The following PRM3 variants were observed in gnomAD, a reference collection of about 807,000 sequenced individuals.
PRM3 encodes protamine-3.
For synonymous variants in PRM3, 72 were observed against 58.2 expected (o/e 1.24, Z -1.08); for missense variants, 160 against 133.1 (o/e 1.20, Z -0.99).
At position 11,273,524 on chromosome 16, in the gene PRM3, A is replaced by C. The variant is rs1308841766; in HGVS notation, c.72T>G (p.His24Gln). The C allele has an allele frequency of 4.3e-6, 7 of 1,609,760 alleles. No homozygotes were observed. The East Asian group carries it at 1.6e-4, about 36-fold the overall frequency. Residue 24 changes from histidine to glutamine, a missense_variant, in exon 1 of 1, where the codon CAT becomes CAG. Transcript: ENST00000327157. ...TCATGGAGGATTCGTGGCCCCGGCCATGGCCCGTGCTGTGGCCTGGGCTGT... is the reference window on the plus strand; with the variant it reads ...TCATGGAGGATTCGTGGCCCCGGCCCTGGCCCGTGCTGTGGCCTGGGCTGT... ...PGHSPGHSTG[H>Q]GRGHESSMKK...
In PRM3 at chr16:11,273,620, G is replaced by A. The variant is rs2301127; in HGVS notation, c.-25C>T. The A allele has an allele frequency of 0.54, 843,534 of 1,562,044 alleles. 233,328 individuals are homozygous for A. Among genetic ancestry groups the A allele is most frequent in the East Asian group, 0.85 (37,530 of 44,086 alleles). ...TGGTCTACGTTGCCTGTCTCTCTGG[G>A]CAAGGAGGTGAGGCGGTGGGTGAAG... On this transcript the variant is annotated 5_prime_UTR_variant, in exon 1 of 1. Transcript: ENST00000327157.
Position 11,273,589 on chromosome 16 carries a change from A to G in PRM3, c.7T>C (p.Ser3Pro), listed in dbSNP as rs200849593. The change falls in exon 1 of 1, where the codon TCC becomes CCC. Residue 3 changes from serine (S) to proline (P), a missense_variant. Ser to Pro is a moderately conservative substitution (Grantham distance 74, BLOSUM62 -1). Transcript: ENST00000327157. ...CCTGTGTTGAGCTTGGCACAGCGGG[A>G]ACCCATGGTCTACGTTGCCTGTCTC... MG[S>P]RCAKLNTGQS... The G allele has an allele frequency of 6.2e-3, 9,843 of 1,591,308 alleles. 37 individuals carry two copies. The highest frequency in any genetic ancestry group is 8.0e-3 in the Non-Finnish European group (9,345 of 1,166,270).
rs748507374 is a variant in PRM3 at position 11,273,384 on chromosome 16, T to C, written c.212A>G (p.Gln71Arg). The C allele has an allele frequency of 1.4e-4, 212 of 1,546,194 alleles. 2 individuals carry two copies. Among genetic ancestry groups the C allele is most frequent in the South Asian group, 4.6e-4 (39 of 84,078 alleles). The change falls in exon 1 of 1, where the codon CAG (glutamine) becomes CGG (arginine). Residue 71 changes from glutamine (Q) to arginine (R), a missense_variant. By Grantham distance (43) the Gln-to-Arg change is conservative. Transcript: ENST00000327157. Reference protein sequence around the residue: ...EEEEKEELPVQGKLLLLEPER... With the variant: ...EEEEKEELPVRGKLLLLEPER... ...AGGCTCCAGCAGCAGCAGCTTGCCC[T>C]GCACCGGCAGCTCTTCTTTCTCCTC...
Position 11,273,200 on chromosome 16 carries a change from T to A in PRM3, c.*84A>T, listed in dbSNP as rs2069802708. 4 of 1,448,244 alleles carry A rather than the reference T, an allele frequency of 2.8e-6. No individual in the cohort carries two copies. The highest frequency in any genetic ancestry group is 3.6e-6 in the Non-Finnish European group (4 of 1,104,314). The allele number at this position is 1,448,244 out of a possible 1,614,324, so 89.7% of individuals were successfully genotyped here. A position where few individuals can be genotyped will look rare whatever the true frequency, so the allele number is the denominator to read the frequency against. Reference sequence around the variant, plus strand: ...GAGGGGAACCAGAGACAGGGAGGATTCCTCAGAGACTTTTTATTGACTCTT... The same window carrying A: ...GAGGGGAACCAGAGACAGGGAGGATACCTCAGAGACTTTTTATTGACTCTT... On this transcript the variant is annotated 3_prime_UTR_variant, in exon 1 of 1. Transcript: ENST00000327157.
chr16:11,273,342 CCCT>C lies in PRM3; in HGVS notation c.251_253del (p.Glu84del). 4 of 1,544,668 alleles carry C rather than the reference CCCT, an allele frequency of 2.6e-6. No homozygotes were observed. Among genetic ancestry groups the C allele is most frequent in the Non-Finnish European group, 2.6e-6 (3 of 1,146,908 alleles). ...CTGGGCCTCGGCGTTGTCCTTGTGGCCCTCCTCCTGCCGCTCAGGCTCCAGCAG... is the reference window on the plus strand; with the variant it reads ...CTGGGCCTCGGCGTTGTCCTTGTGGCCCTCCTGCCGCTCAGGCTCCAGCAG... On this transcript the variant is annotated inframe_deletion, in exon 1 of 1. Transcript: ENST00000327157.
In PRM3 at chr16:11,273,411, TC is replaced by T; in HGVS notation, c.184del (p.Glu62ArgfsTer66). On this transcript the variant is annotated frameshift_variant, in exon 1 of 1. Transcript: ENST00000327157. LOFTEE classifies it low-confidence loss of function (END_TRUNC). The part of the protein sequence containing the change: ...EEEEEEEEGE[E>X]EEKEELPVQG... ...CACCGGCAGCTCTTCTTTCTCCTCC[TC>T]TTCCCCCTCCTCCTCCTCTTCCTCC... The T allele has an allele frequency of 1.3e-6, 2 of 1,550,094 alleles. No homozygotes were observed. Among genetic ancestry groups the T allele is most frequent in the Non-Finnish European group, 1.7e-6 (2 of 1,147,914 alleles).
rs551217885 is a variant in PRM3, at chr16:11,273,325, C to T, written c.271G>A (p.Glu91Lys). The change falls in exon 1 of 1, where the codon GAG (glutamate) becomes AAG (lysine). Residue 91 changes from glutamate to lysine, a missense_variant. By Grantham distance (56) the Glu-to-Lys change is moderately conservative. Coordinates refer to ENST00000327157, the MANE Select transcript of PRM3 (RefSeq NM_021247.3). ...RQEEGHKDNA[E>K]AQQSPEPKRT... is the part of the protein sequence containing the mutation. Reference sequence around the variant, plus strand: ...TTGGGCTCGGGGCTCTGCTGGGCCTCGGCGTTGTCCTTGTGGCCCTCCTCC... The same window carrying T: ...TTGGGCTCGGGGCTCTGCTGGGCCTTGGCGTTGTCCTTGTGGCCCTCCTCC... 6 of 1,545,094 alleles carry T rather than the reference C, an allele frequency of 3.9e-6. No individual in the cohort carries two copies. The highest frequency in any genetic ancestry group is 4.9e-5 in the East Asian group (2 of 40,916).
Position 11,273,511 on chromosome 16 carries a change from C to T in PRM3, c.85G>A (p.Glu29Lys), listed in dbSNP as rs777840764. ...GCCATGAGCTTTTTCATGGAGGATT[C>T]GTGGCCCCGGCCATGGCCCGTGCTG... is the stretch of plus-strand genomic sequence containing the variant. The part of the protein sequence containing the change: ...GHSTGHGRGH[E>K]SSMKKLMACV... The change falls in exon 1 of 1, where the codon GAA (glutamate) becomes AAA (lysine). Residue 29 changes from glutamate (E) to lysine (K), a missense_variant. Physicochemically the swap from Glu to Lys is moderately conservative, Grantham distance 56. Transcript: ENST00000327157. 20 of 1,610,152 alleles carry T rather than the reference C, an allele frequency of 1.2e-5. No individual in the cohort carries two copies. The highest frequency in any genetic ancestry group is 1.6e-4 in the Middle Eastern group (1 of 6,078).
rs753941086 is a variant in PRM3, at chr16:11,273,608, C to G, written c.-13G>C. 6.3e-7 allele frequency: 1 copy of G among 1,576,232 alleles called. No homozygotes were observed. Among genetic ancestry groups the G allele is most frequent in the South Asian group, 1.1e-5 (1 of 88,276 alleles). On this transcript the variant is annotated 5_prime_UTR_variant, in exon 1 of 1. Coordinates refer to ENST00000327157, the MANE Select transcript of PRM3 (RefSeq NM_021247.3). Reference sequence around the variant, plus strand: ...AGCGGGAACCCATGGTCTACGTTGCCTGTCTCTCTGGGCAAGGAGGTGAGG... The same window carrying G: ...AGCGGGAACCCATGGTCTACGTTGCGTGTCTCTCTGGGCAAGGAGGTGAGG...
At position 11,273,422 on chromosome 16, in the gene PRM3, C is replaced by CTCCTCCTCT. The variant is rs751209816; in HGVS notation, c.165_173dup (p.Glu57_Glu59dup). On this transcript the variant is annotated inframe_insertion, in exon 1 of 1. Transcript: ENST00000327157. ...CTTCTTTCTCCTCCTCTTCCCCCTC[C>CTCCTCCTCT]TCCTCCTCTTCCTCCTCTTCCTCGC... 1.9e-5 allele frequency: 30 copies of CTCCTCCTCT among 1,552,776 alleles called. No homozygotes were observed. Among genetic ancestry groups the CTCCTCCTCT allele is most frequent in the Middle Eastern group, 3.3e-4 (2 of 6,022 alleles).
Position 11,273,244 on chromosome 16 carries a change from G to A in PRM3, c.*40C>T. 6.7e-7 allele frequency: 1 copy of A among 1,497,110 alleles called. No individual in the cohort carries two copies. Among genetic ancestry groups the A allele is most frequent in the East Asian group, 2.5e-5 (1 of 40,398 alleles). The allele number at this position is 1,497,110 out of a possible 1,614,324, so 92.7% of individuals were successfully genotyped here. ...GACTCTTCTCTGAACACTGTCGCCG[G>A]AGCAGCAGTGGGCGTCCCTTCCTGG... is the stretch of plus-strand genomic sequence containing the variant. On this transcript the variant is annotated 3_prime_UTR_variant, in exon 1 of 1. Transcript: ENST00000327157.
chr16:11,273,368 C>T lies in PRM3; in HGVS notation c.228G>A (p.Leu76=). ...CCTCCTCCTGCCGCTCAGGCTCCAG[C>T]AGCAGCAGCTTGCCCTGCACCGGCA... ...EELPVQGKLL[L]LEPERQEEGH... Residue 76 remains leucine, a synonymous_variant, in exon 1 of 1, where the codon CTG becomes CTA. Transcript: ENST00000327157. 1 of 1,545,332 alleles carries T rather than the reference C, an allele frequency of 6.5e-7. No homozygotes were observed. The highest frequency in any genetic ancestry group is 8.7e-7 in the Non-Finnish European group (1 of 1,147,030).
Position 11,273,293 on chromosome 16 carries a change from T to C in PRM3, c.303A>G (p.Thr101=). ...GGGCCTTCGTTGCGGGTCAGGAGGGTGTCCGCTTGGGCTCGGGGCTCTGCT... is the reference window on the plus strand; with the variant it reads ...GGGCCTTCGTTGCGGGTCAGGAGGGCGTCCGCTTGGGCTCGGGGCTCTGCT... ...EAQQSPEPKR[T]PS is the part of the protein sequence containing the mutation. Residue 101 remains threonine, a synonymous_variant, in exon 1 of 1, where the codon ACA becomes ACG. Transcript: ENST00000327157. 6.5e-7 allele frequency: 1 copy of C among 1,540,352 alleles called. No individual in the cohort carries two copies.
At position 11,273,542 on chromosome 16, in the gene PRM3, T is replaced by C. The variant is rs573431737; in HGVS notation, c.54A>G (p.Pro18=). The C allele has an allele frequency of 6.9e-5, 111 of 1,607,170 alleles. No individual in the cohort carries two copies. In the South Asian group the frequency reaches 7.6e-4, roughly 11 times the overall value. Reference sequence around the variant, plus strand: ...CCCGGCCATGGCCCGTGCTGTGGCCTGGGCTGTGGCCTGGGCTCTGGCCTG... The same window carrying C: ...CCCGGCCATGGCCCGTGCTGTGGCCCGGGCTGTGGCCTGGGCTCTGGCCTG... ...LNTGQSPGHS[P]GHSTGHGRGH... is the part of the protein sequence containing the mutation. Residue 18 remains proline, a synonymous_variant, in exon 1 of 1, where the codon CCA becomes CCG. Transcript: ENST00000327157.
Position 11,273,202 on chromosome 16 carries a change from C to A in PRM3, c.*82G>T. The A allele has an allele frequency of 6.9e-7, 1 of 1,451,150 alleles. No homozygotes were observed. The highest frequency in any genetic ancestry group is 9.0e-7 in the Non-Finnish European group (1 of 1,105,568). The allele number at this position is 1,451,150 out of a possible 1,614,324, so 89.9% of individuals were successfully genotyped here. The stretch of plus-strand genomic sequence containing the variant: ...GGGGAACCAGAGACAGGGAGGATTC[C>A]TCAGAGACTTTTTATTGACTCTTCT... On this transcript the variant is annotated 3_prime_UTR_variant, in exon 1 of 1. Transcript: ENST00000327157.
In PRM3 at chr16:11,273,273, T is replaced by A; in HGVS notation, c.*11A>T. The A allele has an allele frequency of 6.6e-7, 1 of 1,526,436 alleles. No homozygotes were observed. Among genetic ancestry groups the A allele is most frequent in the South Asian group, 1.2e-5 (1 of 82,060 alleles). 94.6% of individuals were successfully genotyped at this position (1,526,436 alleles called of 1,614,324 possible). On this transcript the variant is annotated 3_prime_UTR_variant, in exon 1 of 1. Coordinates refer to ENST00000327157, the MANE Select transcript of PRM3 (RefSeq NM_021247.3). ...AGCAGTGGGCGTCCCTTCCTGGGCCTTCGTTGCGGGTCAGGAGGGTGTCCG... is the reference window on the plus strand; with the variant it reads ...AGCAGTGGGCGTCCCTTCCTGGGCCATCGTTGCGGGTCAGGAGGGTGTCCG...
Position 11,273,483 on chromosome 16 carries a change from C to G in PRM3, c.113G>C (p.Cys38Ser). The G allele has an allele frequency of 6.2e-7, 1 of 1,600,340 alleles. No individual in the cohort carries two copies. Among genetic ancestry groups the G allele is most frequent in the Non-Finnish European group, 8.5e-7 (1 of 1,173,650 alleles). Residue 38 changes from cysteine to serine, a missense_variant, in exon 1 of 1, where the codon TGT becomes TCT. By Grantham distance (112) the Cys-to-Ser change is moderately radical. Transcript: ENST00000327157. ...HESSMKKLMA[C>S]VSQDNFSLSS... Reference sequence around the variant, plus strand: ...CAAGGAGAAGTTATCCTGACTCACACAGGCCATGAGCTTTTTCATGGAGGA... The same window carrying G: ...CAAGGAGAAGTTATCCTGACTCACAGAGGCCATGAGCTTTTTCATGGAGGA...
chr16:11,273,596 G>A lies in PRM3; in HGVS notation c.-1C>T, dbSNP rs1354553652. Reference sequence around the variant, plus strand: ...TGAGCTTGGCACAGCGGGAACCCATGGTCTACGTTGCCTGTCTCTCTGGGC... The same window carrying A: ...TGAGCTTGGCACAGCGGGAACCCATAGTCTACGTTGCCTGTCTCTCTGGGC... On this transcript the variant is annotated 5_prime_UTR_variant, in exon 1 of 1. Coordinates refer to ENST00000327157, the MANE Select transcript of PRM3 (RefSeq NM_021247.3). The A allele has an allele frequency of 1.9e-6, 3 of 1,584,788 alleles. No individual in the cohort carries two copies. The highest frequency in any genetic ancestry group is 1.1e-5 in the South Asian group (1 of 89,568).
chr16:11,273,318 T>TG lies in PRM3; in HGVS notation c.277dup (p.Gln93ProfsTer?). The TG allele has an allele frequency of 6.5e-7, 1 of 1,545,172 alleles. No homozygotes were observed. The highest frequency in any genetic ancestry group is 8.7e-7 in the Non-Finnish European group (1 of 1,146,552). On this transcript the variant is annotated frameshift_variant, in exon 1 of 1. Coordinates refer to ENST00000327157, the MANE Select transcript of PRM3 (RefSeq NM_021247.3). LOFTEE classifies it high-confidence loss of function. ...TGTCCGCTTGGGCTCGGGGCTCTGC[T>TG]GGGCCTCGGCGTTGTCCTTGTGGCC... is the stretch of plus-strand genomic sequence containing the variant.
Sources: allele counts gnomAD v4.1 joint callset, GRCh38; gene constraint gnomAD v4.1.1; transcripts MANE v1.5; gene names NCBI Gene and HGNC (gene_info 2026-07-23, HGNC 2026-07-21).